NF1: variants seen among roughly 807,000 people sequenced by gnomAD.
NF1 encodes the protein neurofibromin 1.
A neutral mutation model predicts 325.7 loss-of-function variants in NF1; 122 were observed. The ratio of observed to expected loss-of-function variants is 0.37; its 90% CI spans 0.32 to 0.44. NF1 has a LOEUF of 0.44. Among genes scored for constraint, NF1 ranks in the 20% least tolerant of loss-of-function variants. NF1 has a pLI of 1.00. For synonymous variants in NF1, 1,091 were observed against 1,186.0 expected (o/e 0.92, Z 1.65); for missense variants, 2,140 against 3,415.4 (o/e 0.63, Z 9.31).
At chr17:31,235,179 G>T (rs1421604251) in intron 27 of NF1, among the ~76,000 whole-genome samples, 21 of 151,956 alleles carry the variant, frequency 1.4e-4, no homozygotes, top group Admixed American at 1.4e-3. Flanking sequence ...TTCAGTATTC[G>T]CTGAGTTCCC....
chr17:31,259,676 T>C (rs2079892604), intron 33 of NF1, among the ~76,000 whole-genome samples: 1 of 152,190 alleles, frequency 6.6e-6, no homozygotes, highest in East Asian at 1.9e-4. Flanking sequence ...CTCTGAGTTA[T>C]TGGTCTATCT....
chr17:31,161,930 G>A (rs7215864), intron 3 of NF1, among the ~76,000 whole-genome samples: 111 of 151,392 alleles, frequency 7.3e-4, no homozygotes, highest in African/African-American at 2.5e-3. Context: ...CAGCTACTTG[G>A]GAGGCTGAGG....
intron 54 of NF1, 166 bp from the exon 55 acceptor site, chr17:31,358,314 T>C (rs1423577724): frequency 4.4e-6 from 3 of 679,746 alleles, no homozygotes; most frequent in Non-Finnish European, 5.0e-6. Flanking sequence ...CACATGTTCA[T>C]TGTAGAAAAT....
At chr17:31,221,742 A>G in intron 14 of NF1, 108 bp from the exon 15 acceptor site, 1 of 778,312 alleles carries the variant, frequency 1.3e-6, no homozygotes, top group South Asian at 1.5e-5. Context: ...ACTACAAATG[A>G]AAGAGCTCAA....
intron 37 of NF1, among the ~76,000 whole-genome samples, chr17:31,327,158 A>G (rs2069365790): frequency 6.6e-6 from 1 of 151,916 alleles, no homozygotes; most frequent in Non-Finnish European, 1.5e-5. Context: ...TAGTAGAGAC[A>G]AGGTTGTTGG....
intron 16 of NF1, 97 bp downstream of exon 16, chr17:31,223,664 C>A (rs2066965599): frequency 8.5e-7 from 1 of 1,178,866 alleles, no homozygotes; most frequent in Non-Finnish European, 1.2e-6. Context: ...GGTTCTATTT[C>A]AGCTTCTCCT....
intron 36 of NF1, chr17:31,296,432 CT>C: frequency 8.5e-7 from 1 of 1,180,350 alleles, no homozygotes; most frequent in South Asian, 1.2e-5. Flanking sequence ...TTCAATAAAC[CT>C]CGTTGTTGTC....
chr17:31,329,492 A>G (rs1048639064), intron 38 of NF1, among the ~76,000 whole-genome samples: 4 of 152,228 alleles, frequency 2.6e-5, no homozygotes, highest in Non-Finnish European at 5.9e-5. Flanking sequence ...ATTCAGAGGT[A>G]AGGAAAACCT....
At chr17:31,188,554 C>T (rs1439023745) in intron 8 of NF1, among the ~76,000 whole-genome samples, 1 of 152,074 alleles carries the variant, frequency 6.6e-6, no homozygotes, top group Non-Finnish European at 1.5e-5. Flanking sequence ...TGTATGGGTT[C>T]AAGTTGACAA....
At chr17:31,113,039 C>G (rs1487312025) in intron 1 of NF1, among the ~76,000 whole-genome samples, 1 of 152,130 alleles carries the variant, frequency 6.6e-6, no homozygotes, top group East Asian at 1.9e-4. Flanking sequence ...TCTTGTTTCT[C>G]AGAATTGTTT....
Position 31,229,304 on chromosome 17 carries a change from C to T in NF1, c.2689C>T (p.Arg897Trp), listed in dbSNP as rs775949348. The change falls in exon 21 of 58, where the codon CGG becomes TGG. Residue 897 changes from arginine (R) to tryptophan (W), a missense_variant. Transcript: ENST00000358273. Reference protein sequence around the residue: ...ADTPVSKFMDRLLSLMVCNHE... With the variant: ...ADTPVSKFMDWLLSLMVCNHE... Reference sequence around the variant, plus strand: ...TACACCTGTCAGCAAATTTATGGATCGGCTGTTGTCCTTAATGGTGTGTAA... The same window carrying T: ...TACACCTGTCAGCAAATTTATGGATTGGCTGTTGTCCTTAATGGTGTGTAA... 4.3e-6 allele frequency: 7 copies of T among 1,613,772 alleles called. No individual in the cohort carries two copies. The highest frequency in any genetic ancestry group is 3.3e-5 in the Admixed American group (2 of 59,988).
At chr17:31,198,919 G>A (rs1482372099) in intron 8 of NF1, among the ~76,000 whole-genome samples, 1 of 151,946 alleles carries the variant, frequency 6.6e-6, no homozygotes, top group African/African-American at 2.4e-5. Flanking sequence ...GCATCTGGCC[G>A]TGTCACCACT....
chr17:31,126,273 A>G (rs1277322562), intron 1 of NF1, among the ~76,000 whole-genome samples: 1 of 152,194 alleles, frequency 6.6e-6, no homozygotes, highest in Non-Finnish European at 1.5e-5. Flanking sequence ...TTGACTACCA[A>G]TGAGGTTTAG....
At chr17:31,269,217 T>C (rs1458127755) in intron 36 of NF1, among the ~76,000 whole-genome samples, 1 of 152,182 alleles carries the variant, frequency 6.6e-6, no homozygotes, top group Admixed American at 6.5e-5. Flanking sequence ...GTAGAAAGCT[T>C]GTCTGTCCCA....
chr17:31,185,904 G>A (rs2066230047), intron 8 of NF1, among the ~76,000 whole-genome samples: 1 of 152,148 alleles, frequency 6.6e-6, no homozygotes, highest in South Asian at 2.1e-4. Context: ...GAGGCCTCTA[G>A]GATTTTGGAG....
chr17:31,260,322 T>A lies in NF1; in HGVS notation c.4431-47T>A, dbSNP rs561306083. On this transcript the variant is annotated intron_variant, in intron 33 of 57. Transcript: ENST00000358273. ...TATAAATTTAATTCAAACATAAGTC[T>A]GGGTGTATCTGGTGTTGAAAATTCT... The A allele has an allele frequency of 9.5e-6, 15 of 1,584,146 alleles. No homozygotes were observed. In the African/African-American group the frequency reaches 1.3e-4, roughly 14 times the overall value.
At chr17:31,180,344 A>G (rs1428725540) in intron 5 of NF1, among the ~76,000 whole-genome samples, 1 of 152,386 alleles carries the variant, frequency 6.6e-6, no homozygotes, top group Admixed American at 6.5e-5. Context: ...AAAATCCTCA[A>G]TAAAATAATG....
intron 35 of NF1, among the ~76,000 whole-genome samples, chr17:31,264,740 A>T (rs529227226): frequency 6.6e-6 from 1 of 152,228 alleles, no homozygotes; most frequent in Non-Finnish European, 1.5e-5. Flanking sequence ...AACATAATAT[A>T]TGCTAAAGCT....
chr17:31,317,269 TG>T (rs895043832), intron 36 of NF1, among the ~76,000 whole-genome samples: 2 of 151,780 alleles, frequency 1.3e-5, no homozygotes, highest in African/African-American at 4.8e-5. Flanking sequence ...TAATTGAAGA[TG>T]GGGGGGTTCT....
Sources: allele counts gnomAD v4.1 joint callset (sites outside exome capture counted in the v4.1 genomes callset), GRCh38; gene constraint gnomAD v4.1.1; transcripts MANE v1.5; gene names NCBI Gene and HGNC (gene_info 2026-07-23, HGNC 2026-07-21).